PLXNA4: variants seen among roughly 807,000 people sequenced by gnomAD.
PLXNA4 encodes the protein plexin-A4.
A neutral mutation model predicts 191.8 loss-of-function variants in PLXNA4; 44 were observed. The observed-to-expected ratio is 0.23, with a 90% confidence interval of 0.18 to 0.29. The LOEUF (loss-of-function observed/expected upper bound fraction) is 0.29. Ranked by LOEUF, PLXNA4 falls within the 10% of genes least tolerant of loss-of-function variation. The pLI is 1.00. For missense variants in PLXNA4, 1,800 were observed against 2,488.8 expected (o/e 0.72, Z 5.89); for synonymous variants, 1,082 against 1,009.5 (o/e 1.07, Z -1.36).
chr7:132,302,297 C>CA (rs951570333), intron 3 of PLXNA4, among the ~76,000 whole-genome samples: 12 of 150,854 alleles, frequency 8.0e-5, no homozygotes, highest in Middle Eastern at 3.4e-3. Flanking sequence ...AGGTGAACTA[C>CA]AAAAAAAAAT....
At chr7:132,306,294 G>C (rs1225221168) in intron 3 of PLXNA4, among the ~76,000 whole-genome samples, 1 of 152,200 alleles carries the variant, frequency 6.6e-6, no homozygotes, top group African/African-American at 2.4e-5. Context: ...GCAGGGATAG[G>C]TGAGGAGCCG....
At chr7:132,170,394 G>C (rs976372126) in intron 21 of PLXNA4, among the ~76,000 whole-genome samples, 3 of 152,080 alleles carry the variant, frequency 2.0e-5, no homozygotes, top group African/African-American at 7.2e-5. Context: ...CCATCTCCAG[G>C]GACCATGATG....
At chr7:132,451,179 C>T (rs541008718) in intron 3 of PLXNA4, among the ~76,000 whole-genome samples, 15 of 152,296 alleles carry the variant, frequency 9.8e-5, no homozygotes, top group Admixed American at 2.0e-4. Context: ...ACTCAGGGCC[C>T]ACCCTTCACA....
rs56832356 is a variant in PLXNA4, at chr7:132,474,214, T to TCACACACACA, written c.1371+15068_1371+15077dup. ...TGAGCCAAGATCAGATCTCTCTGTCTCACACACACACACACACACACACAC... is the reference window on the plus strand; with the variant it reads ...TGAGCCAAGATCAGATCTCTCTGTCTCACACACACACACACACACACACACACACACACAC... On this transcript the variant is annotated intron_variant, in intron 3 of 31. Coordinates refer to ENST00000321063, the MANE Select transcript of PLXNA4 (RefSeq NM_020911.2). Among the ~76,000 whole-genome samples, 1,344 of 140,270 alleles carry TCACACACACA rather than the reference T, an allele frequency of 9.6e-3. 19 individuals carry two copies. The highest frequency in any genetic ancestry group is 0.028 in the African/African-American group (1,033 of 37,368). The allele number at this position is 140,270 out of a possible 152,430, so 92.0% of individuals were successfully genotyped here. A position where few individuals can be genotyped will look rare whatever the true frequency, so the allele number is the denominator to read the frequency against.
intron 14 of PLXNA4, among the ~76,000 whole-genome samples, chr7:132,188,293 C>T (rs1796945794): frequency 6.6e-6 from 1 of 152,226 alleles, no homozygotes; most frequent in African/African-American, 2.4e-5. Context: ...CAGAAAAAAG[C>T]TCTTGACAGC....
intron 3 of PLXNA4, among the ~76,000 whole-genome samples, chr7:132,324,483 T>C (rs1363784847): frequency 6.6e-6 from 1 of 152,228 alleles, no homozygotes; most frequent in African/African-American, 2.4e-5. Context: ...GTTTAATTTA[T>C]CGTTACAGTT....
chr7:132,464,054 T>C (rs1196470622), intron 3 of PLXNA4, among the ~76,000 whole-genome samples: 2 of 152,212 alleles, frequency 1.3e-5, no homozygotes, highest in Non-Finnish European at 2.9e-5. Context: ...GTGGAGAGCT[T>C]ACCTCTGAAT....
intron 1 of PLXNA4, among the ~76,000 whole-genome samples, chr7:132,517,790 G>A (rs1299748521): frequency 1.3e-5 from 2 of 152,220 alleles, no homozygotes; most frequent in African/African-American, 2.4e-5. Flanking sequence ...GGGGCTCAGG[G>A]AGGTAAGTGT....
At chr7:132,541,213 A>G (rs1423759530) in intron 1 of PLXNA4, among the ~76,000 whole-genome samples, 1 of 152,166 alleles carries the variant, frequency 6.6e-6, no homozygotes, top group Non-Finnish European at 1.5e-5. Flanking sequence ...CTCTCTTCCC[A>G]TACATAGCCC....
chr7:132,640,498 G>A (rs746964179), intron 2 of PLXNA4, among the ~76,000 whole-genome samples: 42 of 152,242 alleles, frequency 2.8e-4, no homozygotes, highest in Middle Eastern at 3.4e-3. Flanking sequence ...AAAGACCAGA[G>A]CTTGCTATCT....
chr7:132,529,986 C>G (rs1172549141), intron 1 of PLXNA4, among the ~76,000 whole-genome samples: 1 of 152,186 alleles, frequency 6.6e-6, no homozygotes, highest in Admixed American at 6.5e-5. Flanking sequence ...GATGAGGAAG[C>G]AGTCCCAGGG....
intron 22 of PLXNA4, 127 bp downstream of exon 22, chr7:132,168,177 C>A: frequency 7.5e-7 from 1 of 1,330,328 alleles, no homozygotes; most frequent in Non-Finnish European, 9.7e-7. Context: ...TGGCTCTGGG[C>A]TAGTTAGTGA....
intron 3 of PLXNA4, among the ~76,000 whole-genome samples, chr7:132,488,968 T>A (rs961943991): frequency 6.6e-6 from 1 of 152,206 alleles, no homozygotes; most frequent in African/African-American, 2.4e-5. Flanking sequence ...TCAGACCTAA[T>A]AAAGCCTTTG....
At chr7:132,541,487 C>T (rs1184251128) in intron 1 of PLXNA4, among the ~76,000 whole-genome samples, 4 of 152,322 alleles carry the variant, frequency 2.6e-5, no homozygotes, top group South Asian at 4.1e-4. Context: ...GGAAGAGAGA[C>T]GGCTTGATAG....
rs573161471 is a variant in PLXNA4 at position 132,176,805 on chromosome 7, CAT to C, written c.3875-1887_3875-1886del. Among the ~76,000 whole-genome samples the C allele has an allele frequency of 1.3e-3, 203 of 151,046 alleles. 7 individuals are homozygous for C. In the South Asian group the frequency reaches 0.039, roughly 29 times the overall value. ...GTGTATGCTTGTCAGTGTGAGTGTG[CAT>C]ATGTGTGTTGGTGTGTATGCAAGTA... On this transcript the variant is annotated intron_variant, in intron 20 of 31. Coordinates refer to ENST00000321063, the MANE Select transcript of PLXNA4 (RefSeq NM_020911.2).
chr7:132,533,355 T>C (rs761433066), intron 1 of PLXNA4, among the ~76,000 whole-genome samples: 22 of 152,106 alleles, frequency 1.4e-4, no homozygotes, highest in Non-Finnish European at 2.5e-4. Flanking sequence ...GGGTGGAACA[T>C]AAACTCAGGA....
At chr7:132,168,661 C>T (rs1796194524) in intron 21 of PLXNA4, 89 bp from the exon 22 acceptor site, 2 of 1,459,566 alleles carry the variant, frequency 1.4e-6, no homozygotes, top group South Asian at 1.5e-5. Context: ...ATATCCATGA[C>T]CCTCTCATCC....
chr7:132,522,669 G>T (rs1471663331), intron 1 of PLXNA4, among the ~76,000 whole-genome samples: 1 of 152,204 alleles, frequency 6.6e-6, no homozygotes, highest in Non-Finnish European at 1.5e-5. Context: ...CTACTCAGGA[G>T]GCTAAGGCAG....
chr7:132,141,423 C>A (rs1358780396), intron 29 of PLXNA4, among the ~76,000 whole-genome samples: 1 of 152,174 alleles, frequency 6.6e-6, no homozygotes, highest in African/African-American at 2.4e-5. Flanking sequence ...CATCGTATTC[C>A]CTCCTTCCCC....
Sources: gnomAD v4.1 joint callset for allele counts (sites outside exome capture counted in the v4.1 genomes callset) on GRCh38, gnomAD v4.1.1 for gene constraint, MANE v1.5 for transcripts, NCBI Gene and HGNC (gene_info 2026-07-23, HGNC 2026-07-21) for gene names.